The following SLC9A9 variants were observed in gnomAD, a reference collection of about 807,000 sequenced individuals.
SLC9A9 encodes the protein solute carrier family 9 member A9, also known as sodium/hydrogen exchanger 9.
A neutral mutation model predicts 77.8 loss-of-function variants in SLC9A9; 62 were observed. The observed-to-expected ratio is 0.80, with a 90% CI of 0.65 to 0.98. The LOEUF (loss-of-function observed/expected upper bound fraction) is 0.98. Among genes scored for constraint, SLC9A9 ranks in the 50% least tolerant of loss-of-function variants. The pLI, the probability that SLC9A9 is intolerant of heterozygous loss-of-function variation, is 0.00. For synonymous variants in SLC9A9, 320 were observed against 283.5 expected (o/e 1.13, Z -1.29); for missense variants, 775 against 774.9 (o/e 1.00, Z 0.00).
chr3:143,614,970 G>A (rs542003092), intron 6 of SLC9A9, among the ~76,000 whole-genome samples: 40 of 152,068 alleles, frequency 2.6e-4, no homozygotes, highest in Middle Eastern at 3.4e-3. Flanking sequence ...AAGAAGAAAC[G>A]GGGTTCTTGG....
chr3:143,450,364 A>G (rs545037894), intron 12 of SLC9A9, among the ~76,000 whole-genome samples: 1 of 151,104 alleles, frequency 6.6e-6, no homozygotes, highest in African/African-American at 2.4e-5. Context: ...AAGATAGCTA[A>G]TAAGATTAGA....
chr3:143,324,095 T>G (rs2031503407), intron 14 of SLC9A9, among the ~76,000 whole-genome samples: 1 of 152,172 alleles, frequency 6.6e-6, no homozygotes, highest in Non-Finnish European at 1.5e-5. Flanking sequence ...CAGCTGCTTT[T>G]CGCTATTATC....
intron 14 of SLC9A9, among the ~76,000 whole-genome samples, chr3:143,348,742 A>G (rs750313544): frequency 5.9e-5 from 9 of 152,242 alleles, no homozygotes; most frequent in South Asian, 2.1e-4. Flanking sequence ...ATTAAAAAAC[A>G]TGGAGAATAC....
chr3:143,724,228 T>C (rs1041226965), intron 4 of SLC9A9, among the ~76,000 whole-genome samples: 1 of 152,150 alleles, frequency 6.6e-6, no homozygotes, highest in Non-Finnish European at 1.5e-5. Flanking sequence ...GATCTGATGG[T>C]TTAAAAGGGT....
At chr3:143,276,721 T>A (rs891305479) in intron 14 of SLC9A9, among the ~76,000 whole-genome samples, 9 of 151,782 alleles carry the variant, frequency 5.9e-5, no homozygotes, top group Non-Finnish European at 7.4e-5. Context: ...CCTATATGAG[T>A]CAGATGATAT....
intron 9 of SLC9A9, among the ~76,000 whole-genome samples, chr3:143,547,630 G>T (rs2036811167): frequency 6.6e-6 from 1 of 152,118 alleles, no homozygotes; most frequent in Admixed American, 6.5e-5. Flanking sequence ...AGCCACATTG[G>T]TTCTCCTGCC....
chr3:143,418,515 A>C (rs773849545), intron 12 of SLC9A9, among the ~76,000 whole-genome samples: 1 of 152,058 alleles, frequency 6.6e-6, no homozygotes, highest in Non-Finnish European at 1.5e-5. Flanking sequence ...GGAACAAGTG[A>C]AGCTGGGTGG....
chr3:143,288,198 A>G (rs1938431506), intron 14 of SLC9A9, among the ~76,000 whole-genome samples: 1 of 152,040 alleles, frequency 6.6e-6, no homozygotes, highest in South Asian at 2.1e-4. Context: ...GATTATGATG[A>G]TTGTAATTTC....
At chr3:143,269,011 C>G in intron 14 of SLC9A9, 31 bp from the exon 15 acceptor site, 1 of 1,501,576 alleles carries the variant, frequency 6.7e-7, no homozygotes, top group Non-Finnish European at 9.3e-7. Flanking sequence ...TACTTGTCAA[C>G]AGGGAGTTAG....
rs147662668 is a variant in SLC9A9, at chr3:143,577,588, G to T, written c.894+997C>A. 1.5e-3 allele frequency among the ~76,000 whole-genome samples: 223 copies of T among 152,208 alleles called. 5 individuals are homozygous for T. In the East Asian group the frequency reaches 0.03, roughly 20 times the overall value. On this transcript the variant is annotated intron_variant, in intron 7 of 15. Transcript: ENST00000316549. ...CACTTTCTATCCCAGTCTTAATGTA[G>T]AGCTCATCTTTCTAAGCCTGTCACT...
chr3:143,478,530 G>C (rs1194774584), intron 11 of SLC9A9, among the ~76,000 whole-genome samples: 1 of 152,170 alleles, frequency 6.6e-6, no homozygotes, highest in African/African-American at 2.4e-5. Flanking sequence ...GAAGGACTTG[G>C]CTGACAAAGC....
At chr3:143,322,382 T>C (rs575741510) in intron 14 of SLC9A9, among the ~76,000 whole-genome samples, 4 of 152,338 alleles carry the variant, frequency 2.6e-5, no homozygotes, top group Admixed American at 2.6e-4. Context: ...GCCTTTGGAC[T>C]GGAATTTATA....
At position 143,402,451 on chromosome 3, in the gene SLC9A9, T is replaced by G. The variant is rs186044859; in HGVS notation, c.1470-20337A>C. 3.4e-3 allele frequency among the ~76,000 whole-genome samples: 509 copies of G among 150,358 alleles called. 4 individuals carry two copies. The East Asian group carries it at 0.038, about 11-fold the overall frequency. On this transcript the variant is annotated intron_variant, in intron 12 of 15. Transcript: ENST00000316549. ...CAATTTACTTAGCACCTTTGTGTTT[T>G]TTTTTTTTTTTTTTTGTAGAACTGA...
intron 14 of SLC9A9, among the ~76,000 whole-genome samples, chr3:143,357,571 G>T (rs903995150): frequency 6.6e-6 from 1 of 152,140 alleles, no homozygotes; most frequent in Middle Eastern, 3.2e-3. Context: ...AAACACTTAT[G>T]AAAATGGCAT....
At chr3:143,749,722 CAG>C (rs2006650015) in intron 4 of SLC9A9, among the ~76,000 whole-genome samples, 2 of 152,140 alleles carry the variant, frequency 1.3e-5, no homozygotes, top group Non-Finnish European at 2.9e-5. Flanking sequence ...TTACAATTCT[CAG>C]AGAGTTTAAA....
intron 12 of SLC9A9, among the ~76,000 whole-genome samples, chr3:143,383,878 T>C (rs1463632381): frequency 6.6e-6 from 1 of 152,140 alleles, no homozygotes; most frequent in East Asian, 1.9e-4. Context: ...GTCAAGCAAA[T>C]GTGTAACTCC....
At chr3:143,589,040 TATAATC>T (rs2037605098) in intron 6 of SLC9A9, among the ~76,000 whole-genome samples, 1 of 152,182 alleles carries the variant, frequency 6.6e-6, no homozygotes, top group African/African-American at 2.4e-5. Flanking sequence ...AAAGTTAAAA[TATAATC>T]ATAAACAGGT....
chr3:143,411,194 T>C (rs2034091066), intron 12 of SLC9A9, among the ~76,000 whole-genome samples: 1 of 152,214 alleles, frequency 6.6e-6, no homozygotes, highest in Non-Finnish European at 1.5e-5. Flanking sequence ...TATCAGAAGG[T>C]CTGTAAGATT....
chr3:143,834,250 T>C (rs1158286092), intron 1 of SLC9A9, among the ~76,000 whole-genome samples: 1 of 152,192 alleles, frequency 6.6e-6, no homozygotes, highest in African/African-American at 2.4e-5. Context: ...CACTGAGTGC[T>C]TGATCCACCA....
Sources: allele counts gnomAD v4.1 joint callset (sites outside exome capture counted in the v4.1 genomes callset), GRCh38; gene constraint gnomAD v4.1.1; transcripts MANE v1.5; gene names NCBI Gene and HGNC (gene_info 2026-07-23, HGNC 2026-07-21).